ST6GALNAC3: variants seen among roughly 807,000 people sequenced by gnomAD.
ST6GALNAC3 encodes alpha-N-acetylgalactosaminide alpha-2,6-sialyltransferase 3.
A neutral mutation model predicts 32.7 loss-of-function variants in ST6GALNAC3; 25 were observed. That is an observed-to-expected ratio of 0.76 (90% CI 0.56 to 1.07). The LOEUF is 1.07. Among genes scored for constraint, ST6GALNAC3 ranks in the 50% least tolerant of loss-of-function variants. ST6GALNAC3 has a pLI of 0.00. For missense variants in ST6GALNAC3, 355 were observed against 382.4 expected, an observed-to-expected ratio of 0.93 and a Z score of 0.60; for synonymous variants, 129 against 133.1, an observed-to-expected ratio of 0.97 and a Z score of 0.21.
chr1:76,348,772 T>C (rs1218119175), intron 2 of ST6GALNAC3, among the ~76,000 whole-genome samples: 1 of 152,190 alleles, frequency 6.6e-6, no homozygotes, highest in African/African-American at 2.4e-5. Flanking sequence ...GCATTGTGCA[T>C]TCATTTAGTA....
intron 1 of ST6GALNAC3, among the ~76,000 whole-genome samples, chr1:76,298,235 C>A (rs143015729): frequency 6.6e-6 from 1 of 152,100 alleles, no homozygotes; most frequent in East Asian, 1.9e-4. Context: ...AATAACGTAT[C>A]TTAGTATGTG....
intron 2 of ST6GALNAC3, among the ~76,000 whole-genome samples, chr1:76,341,790 A>G (rs1648061576): frequency 6.6e-6 from 1 of 151,392 alleles, no homozygotes; most frequent in Non-Finnish European, 1.5e-5. Flanking sequence ...TACATGGGCC[A>G]TGATGGTTTG....
intron 2 of ST6GALNAC3, among the ~76,000 whole-genome samples, chr1:76,409,629 A>T (rs190115961): frequency 9.2e-5 from 14 of 152,220 alleles, no homozygotes; most frequent in Admixed American, 8.5e-4. Flanking sequence ...GCAGGCATAA[A>T]ACTATCTCTA....
At position 76,579,216 on chromosome 1, in the gene ST6GALNAC3, C is replaced by G. The variant is rs554000635; in HGVS notation, c.624-48236C>G. ...AAATCCAAACATACACAAATATAAA[C>G]AGAATAATATAAAAGAAACCTCTAT... On this transcript the variant is annotated intron_variant, in intron 3 of 4. Transcript: ENST00000328299. 2.6e-5 allele frequency among the ~76,000 whole-genome samples: 4 copies of G among 152,040 alleles called. No homozygotes were observed. In the East Asian group the frequency reaches 7.7e-4, roughly 29 times the overall value.
At chr1:76,560,644 C>T (rs1228515829) in intron 3 of ST6GALNAC3, among the ~76,000 whole-genome samples, 2 of 152,184 alleles carry the variant, frequency 1.3e-5, no homozygotes, top group Admixed American at 1.3e-4. Flanking sequence ...TATCATCTCA[C>T]CCCACTTAAA....
chr1:76,582,881 A>G (rs1646911112), intron 3 of ST6GALNAC3, among the ~76,000 whole-genome samples: 1 of 152,148 alleles, frequency 6.6e-6, no homozygotes, highest in African/African-American at 2.4e-5. Flanking sequence ...GTTATCTTCT[A>G]AGCAGACAAT....
chr1:76,145,533 T>C (rs1650624617), intron 1 of ST6GALNAC3, among the ~76,000 whole-genome samples: 1 of 152,200 alleles, frequency 6.6e-6, no homozygotes, highest in African/African-American at 2.4e-5. Context: ...AGCACCAGCC[T>C]GTTGAATACC....
chr1:76,603,564 G>A (rs1039817316), intron 3 of ST6GALNAC3, among the ~76,000 whole-genome samples: 15 of 152,110 alleles, frequency 9.9e-5, no homozygotes, highest in Non-Finnish European at 2.2e-4. Context: ...GTAAAATGAC[G>A]TTGAAAAATA....
At chr1:76,485,823 C>G (rs1250354542) in intron 3 of ST6GALNAC3, among the ~76,000 whole-genome samples, 1 of 152,132 alleles carries the variant, frequency 6.6e-6, no homozygotes, top group Non-Finnish European at 1.5e-5. Flanking sequence ...GTTAGGGTGT[C>G]CATTTTAGAT....
intron 3 of ST6GALNAC3, among the ~76,000 whole-genome samples, chr1:76,481,119 C>G (rs559169898): frequency 6.6e-6 from 1 of 152,088 alleles, no homozygotes; most frequent in Non-Finnish European, 1.5e-5. Context: ...TTTTCCATTT[C>G]TAACATTTGG....
At chr1:76,341,678 T>TTTCC (rs1553181681) in intron 2 of ST6GALNAC3, among the ~76,000 whole-genome samples, 4,469 of 120,478 alleles carry the variant, frequency 0.037, 295 homozygotes, top group African/African-American at 0.074. Context: ...TCTTTCTTTC[T>TTTCC]TTCCTTCTTT....
intron 3 of ST6GALNAC3, among the ~76,000 whole-genome samples, chr1:76,616,094 G>C (rs139255589): frequency 6.6e-6 from 1 of 152,100 alleles, no homozygotes; most frequent in South Asian, 2.1e-4. Flanking sequence ...CTTCTTCCAG[G>C]TACTGATTTA....
Position 76,337,789 on chromosome 1 carries a change from C to G in ST6GALNAC3, c.213+23790C>G, listed in dbSNP as rs576524432. Among the ~76,000 whole-genome samples, 256 of 152,250 alleles carry G rather than the reference C, an allele frequency of 1.7e-3. 1 individual carries two copies. Among genetic ancestry groups the G allele is most frequent in the African/African-American group, 6.0e-3 (248 of 41,546 alleles). On this transcript the variant is annotated intron_variant, in intron 2 of 4. Coordinates refer to ENST00000328299, the MANE Select transcript of ST6GALNAC3 (RefSeq NM_152996.4). ...AGACAACTTGAGGGTTGTGACACTT[C>G]CTAGGTACTTTTGTAGCCTACACTG...
Position 76,611,960 on chromosome 1 carries a change from C to T in ST6GALNAC3, c.624-15492C>T, listed in dbSNP as rs545548804. Among the ~76,000 whole-genome samples the T allele has an allele frequency of 4.6e-5, 7 of 152,334 alleles. No individual in the cohort carries two copies. The South Asian group carries it at 1.5e-3, about 32-fold the overall frequency. ...TGATTTTGTGTCTAACCCAGCTGTA[C>T]TTTCTCAGTTCCAACACCTCACAGG... On this transcript the variant is annotated intron_variant, in intron 3 of 4. Transcript: ENST00000328299.
Position 76,412,423 on chromosome 1 carries a change from C to G in ST6GALNAC3, c.623+6C>G. 1 of 1,582,914 alleles carries G rather than the reference C, an allele frequency of 6.3e-7. No individual in the cohort carries two copies. Among genetic ancestry groups the G allele is most frequent in the Non-Finnish European group, 8.6e-7 (1 of 1,165,774 alleles). ...AAGGAAACTGGGAAGGACAGGTGAG[C>G]CCTCTCTGAAGCAGCTTTATTGTCT... On this transcript the variant is annotated splice_donor_region_variant and intron_variant, in intron 3 of 4. Coordinates refer to ENST00000328299, the MANE Select transcript of ST6GALNAC3 (RefSeq NM_152996.4).
At chr1:76,401,021 T>C (rs1348942609) in intron 2 of ST6GALNAC3, among the ~76,000 whole-genome samples, 1 of 152,206 alleles carries the variant, frequency 6.6e-6, no homozygotes, top group African/African-American at 2.4e-5. Context: ...ATGATGAAGC[T>C]TTACTATAAT....
At chr1:76,376,287 A>G (rs1212382411) in intron 2 of ST6GALNAC3, among the ~76,000 whole-genome samples, 2 of 152,054 alleles carry the variant, frequency 1.3e-5, no homozygotes, top group African/African-American at 4.8e-5. Flanking sequence ...CACTGACCTT[A>G]TTCATATTTC....
At chr1:76,466,858 T>C (rs1239338173) in intron 3 of ST6GALNAC3, among the ~76,000 whole-genome samples, 1 of 152,094 alleles carries the variant, frequency 6.6e-6, no homozygotes, top group African/African-American at 2.4e-5. Flanking sequence ...TTATTGCATA[T>C]AGATAAGAAG....
chr1:76,601,670 A>C (rs1304947836), intron 3 of ST6GALNAC3, among the ~76,000 whole-genome samples: 1 of 152,238 alleles, frequency 6.6e-6, no homozygotes, highest in Admixed American at 6.5e-5. Context: ...ACAAGGAGTA[A>C]ACAACCAGTC....
Sources: allele counts gnomAD v4.1 joint callset (sites outside exome capture counted in the v4.1 genomes callset), GRCh38; gene constraint gnomAD v4.1.1; transcripts MANE v1.5; gene names NCBI Gene and HGNC (gene_info 2026-07-23, HGNC 2026-07-21).